Variants in L3MBTL3 observed in about 807,000 individuals in gnomAD.
The protein encoded by L3MBTL3 is lethal(3)malignant brain tumor-like protein 3.
L3MBTL3 carries 27 observed loss-of-function variants against 102.3 expected under a neutral mutation model. The observed-to-expected ratio is 0.26, with a 90% CI of 0.19 to 0.36. The LOEUF is 0.36. Ranked by LOEUF, L3MBTL3 falls within the 10% of genes least tolerant of loss-of-function variation. The pLI, the probability that L3MBTL3 is intolerant of heterozygous loss-of-function variation, is 1.00. For missense variants in L3MBTL3, 798 were observed against 955.3 expected (o/e 0.84, Z 2.17); for synonymous variants, 340 against 320.9 (o/e 1.06, Z -0.64).
intron 2 of L3MBTL3, among the ~76,000 whole-genome samples, chr6:130,038,409 C>T (rs978902020): frequency 1.3e-5 from 2 of 151,948 alleles, no homozygotes; most frequent in Admixed American, 6.6e-5. Flanking sequence ...GCTCACCTTT[C>T]TCTGCATCCT....
chr6:130,042,634 AC>A (rs1780495123), intron 2 of L3MBTL3, 50 bp from the exon 3 acceptor site: 1 of 1,105,250 alleles, frequency 9.0e-7, no homozygotes, highest in Non-Finnish European at 1.4e-6. Context: ...TAAATTAAAA[AC>A]AGATTTCCAT....
At chr6:130,115,213 A>G (rs1313295953) in intron 19 of L3MBTL3, among the ~76,000 whole-genome samples, 1 of 151,752 alleles carries the variant, frequency 6.6e-6, no homozygotes, top group Non-Finnish European at 1.5e-5. Flanking sequence ...GCTATTTTGA[A>G]AAGAGAAGGG....
intron 18 of L3MBTL3, among the ~76,000 whole-genome samples, chr6:130,098,903 C>CGA (rs1350094168): frequency 7.1e-6 from 1 of 140,426 alleles, no homozygotes; most frequent in Non-Finnish European, 1.5e-5. Context: ...TTTGTCAGGA[C>CGA]AGAGTGCGAA....
chr6:130,055,646 CT>C (rs1266343301), intron 8 of L3MBTL3, among the ~76,000 whole-genome samples: 2 of 28,800 alleles, frequency 6.9e-5, no homozygotes, highest in East Asian at 3.2e-3. Context: ...CTCCCTCCCT[CT>C]CTCTCCCTCC....
chr6:130,045,768 C>T (rs371065110), intron 3 of L3MBTL3, among the ~76,000 whole-genome samples: 1 of 152,178 alleles, frequency 6.6e-6, no homozygotes, highest in East Asian at 1.9e-4. Flanking sequence ...CTTCAGGTGC[C>T]TGGAAATATG....
chr6:130,115,003 T>C (rs1785572808), intron 19 of L3MBTL3, among the ~76,000 whole-genome samples: 1 of 151,688 alleles, frequency 6.6e-6, no homozygotes, highest in African/African-American at 2.4e-5. Context: ...CATTCCCTTA[T>C]GTTTTTACCT....
At position 130,049,192 on chromosome 6, in the gene L3MBTL3, T is replaced by G. The variant is rs1028507375; in HGVS notation, c.103-90T>G. ...ATTAACTTTTACCATGTAATTAATT[T>G]GCTTGAAGACTATATGTGTCAGCCA... On this transcript the variant is annotated intron_variant, in intron 3 of 22. Transcript: ENST00000361794. The G allele has an allele frequency of 2.8e-5, 20 of 714,446 alleles. No individual in the cohort carries two copies. The African/African-American group carries it at 2.9e-4, about 10-fold the overall frequency. The allele number at this position is 714,446 out of a possible 1,614,324, so 44.3% of individuals were successfully genotyped here. A position where few individuals can be genotyped will look rare whatever the true frequency, so the allele number is the denominator to read the frequency against.
At chr6:130,066,195 GTTAT>G (rs1047894830) in intron 10 of L3MBTL3, among the ~76,000 whole-genome samples, 154 bp from the exon 11 acceptor site, 1 of 150,746 alleles carries the variant, frequency 6.6e-6, no homozygotes, top group Admixed American at 6.6e-5. Flanking sequence ...TTAGATTCTG[GTTAT>G]TTGTTTAGTT....
chr6:130,062,160 A>G (rs1781937526), intron 10 of L3MBTL3, among the ~76,000 whole-genome samples: 1 of 152,140 alleles, frequency 6.6e-6, no homozygotes, highest in African/African-American at 2.4e-5. Context: ...TTTTATTATA[A>G]AAGTAATGTT....
Position 130,049,261 on chromosome 6 carries a change from TTTCTGCTGTGTTGTTG to T in L3MBTL3, c.103-20_103-5del, listed in dbSNP as rs1780931412. On this transcript the variant is annotated splice_region_variant and splice_polypyrimidine_tract_variant and intron_variant, in intron 3 of 22. Coordinates refer to ENST00000361794, the MANE Select transcript of L3MBTL3 (RefSeq NM_032438.4). ...TCCTGAGCACTTTTTAAATTTTGCC[TTTCTGCTGTGTTGTTG>T]CTAGTTTCGGGTAAATGAGTTTGGA... is the stretch of plus-strand genomic sequence containing the variant. The T allele has an allele frequency of 5.2e-6, 8 of 1,528,178 alleles. No homozygotes were observed. The South Asian group carries it at 6.8e-5, about 13-fold the overall frequency. 94.7% of individuals were successfully genotyped at this position (1,528,178 alleles called of 1,614,324 possible).
chr6:130,091,572 C>A (rs1200879729), intron 16 of L3MBTL3, among the ~76,000 whole-genome samples: 1 of 152,026 alleles, frequency 6.6e-6, no homozygotes, highest in Non-Finnish European at 1.5e-5. Flanking sequence ...TAAGACATAT[C>A]TTTTCACACT....
Position 130,022,251 on chromosome 6 carries a change from T to C in L3MBTL3, c.-70T>C, listed in dbSNP as rs896841303. On this transcript the variant is annotated 5_prime_UTR_variant, in exon 2 of 23. Coordinates refer to ENST00000361794, the MANE Select transcript of L3MBTL3 (RefSeq NM_032438.4). ...GAACCCTTAGGAGAAATCTTGAGAG[T>C]GGACAGCAATTGTGAAGATCGCCAG... The C allele has an allele frequency of 6.6e-6, 1 of 152,180 alleles. No individual in the cohort carries two copies. The highest frequency in any genetic ancestry group is 6.5e-5 in the Admixed American group (1 of 15,272). 9.4% of individuals were successfully genotyped at this position (152,180 alleles called of 1,614,324 possible).
At chr6:130,086,438 T>C (rs1186026217) in intron 16 of L3MBTL3, among the ~76,000 whole-genome samples, 188 bp downstream of exon 16, 3 of 152,344 alleles carry the variant, frequency 2.0e-5, no homozygotes, top group South Asian at 4.1e-4. Flanking sequence ...CATAAAACAA[T>C]TTATCTTTAG....
intron 20 of L3MBTL3, among the ~76,000 whole-genome samples, chr6:130,124,352 A>G (rs1338295472): frequency 6.6e-6 from 1 of 152,170 alleles, no homozygotes; most frequent in Non-Finnish European, 1.5e-5. Flanking sequence ...ATTCAGCCAG[A>G]TGTTTGGTCT....
At chr6:130,087,360 A>G (rs1322393338) in intron 16 of L3MBTL3, among the ~76,000 whole-genome samples, 1 of 152,186 alleles carries the variant, frequency 6.6e-6, no homozygotes, top group Non-Finnish European at 1.5e-5. Flanking sequence ...AATGTAAGTC[A>G]TAAAGCAATC....
chr6:130,053,634 CA>C lies in L3MBTL3; in HGVS notation c.582+655del, dbSNP rs1036611505. ...TGGGCGACAGAGCGAGACTGTGTCT[CA>C]AAAAAAAAAAACAAAAAAAACTATC... On this transcript the variant is annotated intron_variant, in intron 7 of 22. Coordinates refer to ENST00000361794, the MANE Select transcript of L3MBTL3 (RefSeq NM_032438.4). 2.7e-4 allele frequency among the ~76,000 whole-genome samples: 16 copies of C among 59,270 alleles called. No homozygotes were observed. In the South Asian group the frequency reaches 3.0e-3, roughly 11 times the overall value. 38.9% of individuals were successfully genotyped at this position (59,270 alleles called of 152,430 possible).
At chr6:130,125,462 CT>C (rs1282607103) in intron 20 of L3MBTL3, among the ~76,000 whole-genome samples, 3 of 152,160 alleles carry the variant, frequency 2.0e-5, no homozygotes, top group Non-Finnish European at 1.5e-5. Flanking sequence ...TTTTCTAGAA[CT>C]TTTTATCAGA....
chr6:130,133,769 A>G lies in L3MBTL3; in HGVS notation c.2137-74A>G, dbSNP rs146906720. The stretch of plus-strand genomic sequence containing the variant: ...GAGAAATAACTAATGCATATGGGTT[A>G]AATGTTTTGAACCTGTAGCATTTAG... On this transcript the variant is annotated intron_variant, in intron 21 of 22. Transcript: ENST00000361794. The surrounding 1 kb of genome is among the most constrained non-coding windows in gnomAD (Gnocchi z 4.9). 2 of 1,478,938 alleles carry G rather than the reference A, an allele frequency of 1.4e-6. No individual in the cohort carries two copies. The highest frequency in any genetic ancestry group is 2.8e-5 in the African/African-American group (2 of 72,004). The allele number at this position is 1,478,938 out of a possible 1,614,324, so 91.6% of individuals were successfully genotyped here. A position where few individuals can be genotyped will look rare whatever the true frequency, so the allele number is the denominator to read the frequency against.
chr6:130,134,449 T>C (rs1303243007), intron 22 of L3MBTL3, among the ~76,000 whole-genome samples: 4 of 152,188 alleles, frequency 2.6e-5, no homozygotes, highest in Non-Finnish European at 1.5e-5. Context: ...ATTAGTTGTT[T>C]TCAACTCCCT....
Sources: allele counts gnomAD v4.1 joint callset (sites outside exome capture counted in the v4.1 genomes callset), GRCh38; gene constraint gnomAD v4.1.1; non-coding constraint Gnocchi (gnomAD v3.1); transcripts MANE v1.5; gene names NCBI Gene and HGNC (gene_info 2026-07-23, HGNC 2026-07-21).